Variants in MAP3K20 observed in about 807,000 individuals in gnomAD.
MAP3K20 encodes the protein mitogen-activated protein kinase kinase kinase 20, also known as HCCS-4.
MAP3K20 carries 40 observed loss-of-function variants against 85.7 expected under a neutral mutation model. That is an observed-to-expected ratio of 0.47 (90% confidence interval 0.36 to 0.61). The LOEUF (loss-of-function observed/expected upper bound fraction) is 0.61, where lower values mean the gene tolerates loss of function less well. Ranked by LOEUF, MAP3K20 falls within the 20% of genes least tolerant of loss-of-function variation. The pLI is 0.00. For synonymous variants in MAP3K20, 325 were observed against 327.7 expected, an observed-to-expected ratio of 0.99 and a Z score of 0.09; for missense variants, 817 against 961.7, an observed-to-expected ratio of 0.85 and a Z score of 1.99.
chr2:173,190,703 T>C (rs1049697559), intron 5 of MAP3K20, among the ~76,000 whole-genome samples, 192 bp from the exon 6 acceptor site: 4 of 152,220 alleles, frequency 2.6e-5, no homozygotes, highest in African/African-American at 9.7e-5. Context: ...TTTTAATCAG[T>C]ACCTAATGGA....
chr2:173,132,347 T>C (rs1688641225), intron 2 of MAP3K20, among the ~76,000 whole-genome samples: 1 of 152,180 alleles, frequency 6.6e-6, no homozygotes, highest in East Asian at 1.9e-4. Flanking sequence ...TCAACAAAGC[T>C]TTCGTCTTCT....
intron 11 of MAP3K20, chr2:173,223,237 T>C: frequency 1.0e-6 from 1 of 985,262 alleles, no homozygotes; most frequent in Non-Finnish European, 1.2e-6. Context: ...AAGAAAGGGA[T>C]CAGAGTCTGA....
intron 11 of MAP3K20, chr2:173,225,519 G>A (rs935783277): frequency 1.6e-5 from 14 of 863,826 alleles, no homozygotes; most frequent in Middle Eastern, 6.0e-4. Flanking sequence ...ACTTGAACCC[G>A]GGAGGCAGAG....
In MAP3K20 at chr2:173,134,393, C is replaced by CATAT. The variant is rs1162728873; in HGVS notation, c.160-35379_160-35376dup. 1.9e-3 allele frequency among the ~76,000 whole-genome samples: 23 copies of CATAT among 12,330 alleles called. 1 individual carries two copies. Among genetic ancestry groups the CATAT allele is most frequent in the East Asian group, 3.9e-3 (3 of 760 alleles). 8.1% of individuals were successfully genotyped at this position (12,330 alleles called of 152,430 possible). A position where few individuals can be genotyped will look rare whatever the true frequency, so the allele number is the denominator to read the frequency against. ...GTGTGTGTGTGTGTGTGTCTCTATA[C>CATAT]ATATATATATATATATATATATATA... On this transcript the variant is annotated intron_variant, in intron 2 of 19. Transcript: ENST00000375213.
chr2:173,131,110 G>A (rs558932071), intron 2 of MAP3K20, among the ~76,000 whole-genome samples: 6 of 152,244 alleles, frequency 3.9e-5, no homozygotes, highest in African/African-American at 1.4e-4. Context: ...GTGAAAAATC[G>A]CAGCAACAGA....
chr2:173,170,163 C>T (rs562963215), intron 3 of MAP3K20, among the ~76,000 whole-genome samples: 18 of 152,190 alleles, frequency 1.2e-4, no homozygotes, highest in African/African-American at 3.6e-4. Context: ...TTCAAGGTGC[C>T]GTTTAACTAA....
At chr2:173,147,884 C>T (rs1295035962) in intron 2 of MAP3K20, among the ~76,000 whole-genome samples, 2 of 152,082 alleles carry the variant, frequency 1.3e-5, no homozygotes, top group African/African-American at 2.4e-5. Flanking sequence ...CGTGCCCGGC[C>T]ACTCCAGCCT....
intron 2 of MAP3K20, among the ~76,000 whole-genome samples, chr2:173,153,483 G>A (rs1689367247): frequency 6.6e-6 from 1 of 152,132 alleles, no homozygotes; most frequent in Non-Finnish European, 1.5e-5. Flanking sequence ...TTTCCCTGGT[G>A]TTCATCTGTC....
chr2:173,256,510 T>TAGAC (rs1388571788), intron 16 of MAP3K20, among the ~76,000 whole-genome samples: 95 of 130,224 alleles, frequency 7.3e-4, no homozygotes, highest in African/African-American at 2.5e-3. Context: ...GATAGATAGA[T>TAGAC]AGATAGATAG....
rs1419268405 is a variant in MAP3K20, at chr2:173,098,771, G to T, written c.159+7581G>T. Among the ~76,000 whole-genome samples, 5 of 152,264 alleles carry T rather than the reference G, an allele frequency of 3.3e-5. No individual in the cohort carries two copies. The East Asian group carries it at 9.6e-4, about 29-fold the overall frequency. ...CTCATATAAAATTTTTCTCTCCCCA[G>T]TTAGAATTTGTTCATTCTGGATTTT... On this transcript the variant is annotated intron_variant, in intron 2 of 19. Transcript: ENST00000375213.
rs557051977 is a variant in MAP3K20 at position 173,209,688 on chromosome 2, C to T, written c.745-41C>T. 9.1e-6 allele frequency: 14 copies of T among 1,544,156 alleles called. No homozygotes were observed. In the South Asian group the frequency reaches 1.7e-4, roughly 19 times the overall value. The stretch of plus-strand genomic sequence containing the variant: ...ACGTTTTCTCTTAAATATCTCCTTT[C>T]TTAAGTCCCAGCGAATGATTACTTA... On this transcript the variant is annotated intron_variant, in intron 9 of 19. Coordinates refer to ENST00000375213, the MANE Select transcript of MAP3K20 (RefSeq NM_016653.3).
At chr2:173,162,724 G>C (rs1225052120) in intron 2 of MAP3K20, among the ~76,000 whole-genome samples, 1 of 151,102 alleles carries the variant, frequency 6.6e-6, no homozygotes, top group Non-Finnish European at 1.5e-5. Flanking sequence ...GGACCTTAGA[G>C]ATCAGGGTCC....
chr2:173,196,784 C>G (rs1690856427), intron 7 of MAP3K20, among the ~76,000 whole-genome samples: 1 of 152,148 alleles, frequency 6.6e-6, no homozygotes, highest in Non-Finnish European at 1.5e-5. Flanking sequence ...CACTGGTTCT[C>G]TTCCTGCTTC....
At chr2:173,096,323 ACT>A (rs1553563206) in intron 2 of MAP3K20, among the ~76,000 whole-genome samples, 1 of 145,150 alleles carries the variant, frequency 6.9e-6, no homozygotes, top group Non-Finnish European at 1.5e-5. Flanking sequence ...AATGTATGTC[ACT>A]CTCTTTTTTT....
intron 8 of MAP3K20, among the ~76,000 whole-genome samples, chr2:173,200,593 G>A (rs1691019925): frequency 6.6e-6 from 1 of 151,410 alleles, no homozygotes; most frequent in South Asian, 2.1e-4. Context: ...TTTTTATTTT[G>A]AAATAATTAT....
chr2:173,243,848 G>T (rs925055298), intron 16 of MAP3K20, among the ~76,000 whole-genome samples: 12 of 152,102 alleles, frequency 7.9e-5, no homozygotes, highest in Non-Finnish European at 1.6e-4. Context: ...GGATGGTCTC[G>T]ATCTCCTGAT....
intron 2 of MAP3K20, among the ~76,000 whole-genome samples, chr2:173,162,497 C>A (rs1046623349): frequency 1.3e-5 from 2 of 151,888 alleles, no homozygotes; most frequent in African/African-American, 2.4e-5. Flanking sequence ...ACCAGCCTGG[C>A]CAGCATGGTG....
intron 2 of MAP3K20, among the ~76,000 whole-genome samples, chr2:173,123,684 G>A (rs186623758): frequency 6.6e-6 from 1 of 152,190 alleles, no homozygotes; most frequent in African/African-American, 2.4e-5. Flanking sequence ...CAGGTTTCAG[G>A]TCCCATTCTT....
intron 12 of MAP3K20, among the ~76,000 whole-genome samples, chr2:173,231,395 A>G (rs1029985913): frequency 6.6e-6 from 1 of 152,226 alleles, no homozygotes; most frequent in African/African-American, 2.4e-5. Context: ...CTTGCTTAAC[A>G]AGGAAAGAGG....
Sources: gnomAD v4.1 joint callset for allele counts (sites outside exome capture counted in the v4.1 genomes callset) on GRCh38, gnomAD v4.1.1 for gene constraint, MANE v1.5 for transcripts, NCBI Gene and HGNC (gene_info 2026-07-23, HGNC 2026-07-21) for gene names.